L3MBTL4: variants seen among roughly 807,000 people sequenced by gnomAD.
L3MBTL4 encodes L3MBTL histone methyl-lysine binding protein 4, also known as lethal(3)malignant brain tumor-like protein 4.
Under a neutral mutation model 84.5 loss-of-function variants are expected in L3MBTL4, and 70 were observed. The ratio of observed to expected loss-of-function variants is 0.83; its 90% CI spans 0.68 to 1.01. The LOEUF (loss-of-function observed/expected upper bound fraction) is 1.01. L3MBTL4 is among the 50% of genes least tolerant of loss of function. L3MBTL4 has a pLI of 0.00. For synonymous variants in L3MBTL4, 274 were observed against 259.8 expected, an observed-to-expected ratio of 1.05 and a Z score of -0.52; for missense variants, 715 against 754.8, an observed-to-expected ratio of 0.95 and a Z score of 0.62.
At chr18:6,019,627 C>T (rs1160924168) in intron 16 of L3MBTL4, among the ~76,000 whole-genome samples, 1 of 152,116 alleles carries the variant, frequency 6.6e-6, no homozygotes, top group African/African-American at 2.4e-5. Flanking sequence ...CTATTTAATC[C>T]TCCCTACAGT....
At chr18:6,035,625 G>A (rs2145655907) in intron 16 of L3MBTL4, among the ~76,000 whole-genome samples, 1 of 152,258 alleles carries the variant, frequency 6.6e-6, no homozygotes, top group East Asian at 1.9e-4. Flanking sequence ...TTGACTTGGT[G>A]ATGCAGGCTC....
At chr18:6,120,864 A>G (rs1233640319) in intron 14 of L3MBTL4, among the ~76,000 whole-genome samples, 1 of 152,146 alleles carries the variant, frequency 6.6e-6, no homozygotes, top group Non-Finnish European at 1.5e-5. Flanking sequence ...TTATCTATGC[A>G]CTGTTGATGG....
chr18:6,320,048 A>G (rs564014089), intron 1 of L3MBTL4, among the ~76,000 whole-genome samples: 1 of 152,162 alleles, frequency 6.6e-6, no homozygotes, highest in South Asian at 2.1e-4. Context: ...AAGCCATATG[A>G]TCATTTCAAT....
intron 16 of L3MBTL4, among the ~76,000 whole-genome samples, chr18:6,071,842 G>GAAAGAGAGAA: frequency 9.9e-6 from 1 of 100,978 alleles, no homozygotes; most frequent in Non-Finnish European, 1.8e-5. Flanking sequence ...GAAAGAGAAA[G>GAAAGAGAGAA]AGAGAGAGGG....
At chr18:6,245,166 T>A (rs1293632803) in intron 5 of L3MBTL4, among the ~76,000 whole-genome samples, 2 of 152,204 alleles carry the variant, frequency 1.3e-5, no homozygotes, top group African/African-American at 2.4e-5. Context: ...CCCAAAGTGC[T>A]GGGATTACAG....
chr18:6,413,639 A>T (rs186123617), intron 1 of L3MBTL4, among the ~76,000 whole-genome samples: 35 of 152,314 alleles, frequency 2.3e-4, no homozygotes, highest in South Asian at 1.0e-3. Context: ...AGCCTGCCAC[A>T]AGCATCTTCT....
At chr18:6,373,204 TCCTTGTCTCTGCAA>T in intron 1 of L3MBTL4, among the ~76,000 whole-genome samples, 1 of 152,302 alleles carries the variant, frequency 6.6e-6, no homozygotes, top group East Asian at 1.9e-4. Context: ...AGTTTGCGCA[TCCTTGTCTCTGCAA>T]CCTCATCCGT....
intron 4 of L3MBTL4, among the ~76,000 whole-genome samples, chr18:6,282,694 G>A (rs2049375797): frequency 1.3e-5 from 2 of 152,124 alleles, no homozygotes; most frequent in South Asian, 4.1e-4. Context: ...AGGAAAGGTA[G>A]GCAGGTGGAC....
chr18:6,345,169 A>G (rs1272795642), intron 1 of L3MBTL4, among the ~76,000 whole-genome samples: 2 of 136,032 alleles, frequency 1.5e-5, no homozygotes, highest in African/African-American at 6.3e-5. Context: ...CAGTAGTTTG[A>G]GACCAGCCTG....
intron 16 of L3MBTL4, among the ~76,000 whole-genome samples, chr18:5,976,833 T>C (rs1445143274): frequency 3.3e-5 from 5 of 152,178 alleles, no homozygotes; most frequent in Non-Finnish European, 5.9e-5. Context: ...TAGGAACTGT[T>C]CAGAGTTAGA....
At chr18:6,214,577 C>A (rs1019466495) in intron 11 of L3MBTL4, among the ~76,000 whole-genome samples, 1 of 152,158 alleles carries the variant, frequency 6.6e-6, no homozygotes, top group African/African-American at 2.4e-5. Flanking sequence ...ACAGTCAAAT[C>A]TTTCTGCAAT....
intron 16 of L3MBTL4, among the ~76,000 whole-genome samples, chr18:6,052,993 C>T (rs2056889065): frequency 1.3e-5 from 2 of 152,316 alleles, no homozygotes; most frequent in South Asian, 4.1e-4. Context: ...TTTCCCAGAA[C>T]AAATTTATCA....
intron 14 of L3MBTL4, among the ~76,000 whole-genome samples, chr18:6,107,665 G>A (rs534715102): frequency 2.6e-5 from 4 of 152,046 alleles, no homozygotes; most frequent in East Asian, 2.0e-4. Flanking sequence ...GATAATAAAC[G>A]TTGTTACTAA....
chr18:5,989,868 C>T (rs1004287403), intron 16 of L3MBTL4, among the ~76,000 whole-genome samples: 1 of 152,204 alleles, frequency 6.6e-6, no homozygotes, highest in Non-Finnish European at 1.5e-5. Flanking sequence ...TTGGAAGGTC[C>T]CCTTTGCAGG....
At chr18:6,407,393 AG>A (rs944182971) in intron 1 of L3MBTL4, among the ~76,000 whole-genome samples, 3 of 151,488 alleles carry the variant, frequency 2.0e-5, no homozygotes, top group Non-Finnish European at 4.4e-5. Context: ...TAGAAGAGAA[AG>A]GGGAAAAAAA....
intron 12 of L3MBTL4, among the ~76,000 whole-genome samples, chr18:6,183,771 G>C (rs546358848): frequency 1.3e-5 from 2 of 152,264 alleles, no homozygotes; most frequent in African/African-American, 4.8e-5. Context: ...AATTACAGTA[G>C]GCGGACTCCA....
chr18:5,970,935 C>A (rs762099184), intron 16 of L3MBTL4, among the ~76,000 whole-genome samples: 1 of 152,210 alleles, frequency 6.6e-6, no homozygotes, highest in Non-Finnish European at 1.5e-5. Context: ...TCGGAACAGA[C>A]ATCCTCATAT....
intron 16 of L3MBTL4, chr18:6,030,230 G>T (rs1407047982): frequency 1.7e-5 from 16 of 916,450 alleles, no homozygotes; most frequent in Non-Finnish European, 1.8e-5. Flanking sequence ...GAAACTGAAG[G>T]CTGAGGATCA....
intron 1 of L3MBTL4, among the ~76,000 whole-genome samples, chr18:6,390,761 T>G (rs2055014248): frequency 6.6e-6 from 1 of 152,070 alleles, no homozygotes; most frequent in Non-Finnish European, 1.5e-5. Context: ...CATACGACCT[T>G]CCTAGATTAA....
Sources: allele counts gnomAD v4.1 joint callset (sites outside exome capture counted in the v4.1 genomes callset), GRCh38; gene constraint gnomAD v4.1.1; transcripts MANE v1.5; gene names NCBI Gene and HGNC (gene_info 2026-07-23, HGNC 2026-07-21).